GULP1: variants seen among roughly 807,000 people sequenced by gnomAD.
GULP1 encodes PTB domain-containing engulfment adapter protein 1.
In GULP1, 19 loss-of-function variants were observed where a neutral mutation model predicts 40.9. The ratio of observed to expected loss-of-function variants is 0.46; its 90% confidence interval spans 0.32 to 0.68. GULP1 has a LOEUF of 0.68. Among genes scored for constraint, GULP1 ranks in the 30% least tolerant of loss-of-function variants. The probability of loss-of-function intolerance (pLI) is 0.03; values close to 1 mark genes in which losing one functional copy is unlikely to be tolerated. For synonymous variants in GULP1, 119 were observed against 117.6 expected (o/e 1.01, Z -0.08); for missense variants, 312 against 362.2 (o/e 0.86, Z 1.12).
chr2:188,562,786 C>T lies in GULP1; in HGVS notation c.400-6453C>T, dbSNP rs1052930550. Among the ~76,000 whole-genome samples, 4 of 152,088 alleles carry T rather than the reference C, an allele frequency of 2.6e-5. No homozygotes were observed. The East Asian group carries it at 7.7e-4, about 29-fold the overall frequency. On this transcript the variant is annotated intron_variant, in intron 7 of 11. Transcript: ENST00000409830. The stretch of plus-strand genomic sequence containing the variant: ...TTACAGAGGTATACTATATGCTGGG[C>T]CATAATGGGAGACTCAATAAGTTTC...
intron 2 of GULP1, among the ~76,000 whole-genome samples, chr2:188,475,751 C>T (rs2060958807): frequency 6.6e-6 from 1 of 151,712 alleles, no homozygotes; most frequent in African/African-American, 2.4e-5. Flanking sequence ...CAATAAATAA[C>T]CAGGTCTGTT....
chr2:188,316,123 A>G (rs2039041457), intron 1 of GULP1, among the ~76,000 whole-genome samples: 2 of 152,160 alleles, frequency 1.3e-5, no homozygotes, highest in Non-Finnish European at 2.9e-5. Flanking sequence ...TGCTCTGAAT[A>G]GAATGTATAG....
At chr2:188,562,053 G>A (rs1387222419) in intron 7 of GULP1, among the ~76,000 whole-genome samples, 1 of 152,138 alleles carries the variant, frequency 6.6e-6, no homozygotes. Flanking sequence ...AGCAGCAACA[G>A]CCCAAGTTTC....
At chr2:188,458,032 A>G (rs1422883656) in intron 2 of GULP1, among the ~76,000 whole-genome samples, 3 of 152,144 alleles carry the variant, frequency 2.0e-5, no homozygotes, top group Non-Finnish European at 4.4e-5. Context: ...CATACTCAGA[A>G]CTAATACCTA....
intron 2 of GULP1, among the ~76,000 whole-genome samples, chr2:188,445,939 T>G (rs1474481822): frequency 6.6e-6 from 1 of 152,154 alleles, no homozygotes; most frequent in Admixed American, 6.5e-5. Flanking sequence ...GGACTGATCA[T>G]TTAAGGTCTG....
At chr2:188,548,250 A>T (rs1692497576) in intron 7 of GULP1, among the ~76,000 whole-genome samples, 1 of 152,120 alleles carries the variant, frequency 6.6e-6, no homozygotes. Context: ...CAATTTCTGG[A>T]TTTAATAAAT....
intron 2 of GULP1, among the ~76,000 whole-genome samples, chr2:188,454,944 G>A (rs2059138487): frequency 6.6e-6 from 1 of 151,984 alleles, no homozygotes; most frequent in Non-Finnish European, 1.5e-5. Flanking sequence ...GAAACATAGT[G>A]AGACCCCCAT....
chr2:188,460,996 T>C (rs1310833251), intron 2 of GULP1, among the ~76,000 whole-genome samples: 1 of 152,232 alleles, frequency 6.6e-6, no homozygotes, highest in Admixed American at 6.5e-5. Flanking sequence ...CACTTGGTCA[T>C]GATGAATAAT....
At position 188,331,316 on chromosome 2, in the gene GULP1, A is replaced by G. The variant is rs949053876; in HGVS notation, c.-172+39150A>G. Among the ~76,000 whole-genome samples the G allele has an allele frequency of 3.3e-5, 5 of 152,304 alleles. No individual in the cohort carries two copies. The East Asian group carries it at 5.8e-4, about 18-fold the overall frequency. ...TTTGCAGGGTGCCAGGGGCTCATCA[A>G]CTGGGATGGTAATCCATTCCATTTT... On this transcript the variant is annotated intron_variant, in intron 1 of 11. Coordinates refer to ENST00000409830, the MANE Select transcript of GULP1 (RefSeq NM_016315.4).
At chr2:188,557,611 G>A (rs946106316) in intron 7 of GULP1, among the ~76,000 whole-genome samples, 10 of 152,216 alleles carry the variant, frequency 6.6e-5, no homozygotes, top group African/African-American at 1.4e-4. Context: ...ACGTGCTGGC[G>A]TTAAGTGCTT....
At chr2:188,429,701 G>A (rs1231462019) in intron 2 of GULP1, among the ~76,000 whole-genome samples, 1 of 151,734 alleles carries the variant, frequency 6.6e-6, no homozygotes, top group Non-Finnish European at 1.5e-5. Flanking sequence ...GAGGTTTTTG[G>A]TTATTTTTGT....
chr2:188,378,443 G>A (rs2048581694), intron 1 of GULP1, among the ~76,000 whole-genome samples: 1 of 152,118 alleles, frequency 6.6e-6, no homozygotes, highest in Non-Finnish European at 1.5e-5. Flanking sequence ...GAAATTGTAC[G>A]TTGTCTTTGT....
intron 9 of GULP1, among the ~76,000 whole-genome samples, chr2:188,573,217 T>A (rs1699459951): frequency 6.6e-6 from 1 of 152,160 alleles, no homozygotes; most frequent in African/African-American, 2.4e-5. Flanking sequence ...CATTTTTGCC[T>A]TTCATTTCAA....
At chr2:188,420,643 C>A (rs1198518414) in intron 2 of GULP1, among the ~76,000 whole-genome samples, 2 of 152,116 alleles carry the variant, frequency 1.3e-5, no homozygotes, top group African/African-American at 2.4e-5. Flanking sequence ...CTCTTGACAG[C>A]AAGAGGGGAC....
At chr2:188,339,356 A>C (rs1195158632) in intron 1 of GULP1, among the ~76,000 whole-genome samples, 1 of 152,106 alleles carries the variant, frequency 6.6e-6, no homozygotes, top group African/African-American at 2.4e-5. Context: ...TTGGTGTTTC[A>C]AGTTTATAGT....
chr2:188,382,032 C>T (rs576625598), intron 1 of GULP1, among the ~76,000 whole-genome samples: 9 of 152,190 alleles, frequency 5.9e-5, no homozygotes, highest in African/African-American at 1.9e-4. Context: ...TTAAAATATA[C>T]TGTGCTAATA....
chr2:188,448,437 C>T (rs1024180227), intron 2 of GULP1, among the ~76,000 whole-genome samples: 36 of 152,060 alleles, frequency 2.4e-4, no homozygotes, highest in African/African-American at 8.7e-4. Flanking sequence ...AAATTATCTT[C>T]CTTTGGAAAA....
intron 2 of GULP1, among the ~76,000 whole-genome samples, chr2:188,448,994 C>A (rs1575327354): frequency 6.6e-6 from 1 of 152,144 alleles, no homozygotes; most frequent in Admixed American, 6.5e-5. Context: ...GCCTGCAGAA[C>A]CATCAGCCAA....
At chr2:188,318,807 A>C (rs1483857789) in intron 1 of GULP1, among the ~76,000 whole-genome samples, 1 of 152,152 alleles carries the variant, frequency 6.6e-6, no homozygotes, top group Admixed American at 6.6e-5. Flanking sequence ...TTTAGCTGCT[A>C]TTCTAGGCGC....
Sources: allele counts gnomAD v4.1 joint callset (sites outside exome capture counted in the v4.1 genomes callset), GRCh38; gene constraint gnomAD v4.1.1; transcripts MANE v1.5; gene names NCBI Gene and HGNC (gene_info 2026-07-23, HGNC 2026-07-21).